ADAMTS17: variants seen among roughly 807,000 people sequenced by gnomAD.
ADAMTS17 encodes the protein ADAM metallopeptidase with thrombospondin type 1 motif 17.
A neutral mutation model predicts 141.5 loss-of-function variants in ADAMTS17; 113 were observed. That is an observed-to-expected ratio of 0.80 (90% CI 0.69 to 0.93). The LOEUF is 0.93. ADAMTS17 is among the 40% of genes least tolerant of loss of function. The pLI, the probability that ADAMTS17 is intolerant of heterozygous loss-of-function variation, is 0.00. For missense variants in ADAMTS17, 1,659 were observed against 1,517.9 expected, an observed-to-expected ratio of 1.09 and a Z score of -1.54; for synonymous variants, 768 against 630.6, an observed-to-expected ratio of 1.22 and a Z score of -3.27.
chr15:100,189,956 C>G (rs1251041613), intron 8 of ADAMTS17, among the ~76,000 whole-genome samples: 1 of 152,164 alleles, frequency 6.6e-6, no homozygotes, highest in African/African-American at 2.4e-5. Context: ...CTTGGAAACC[C>G]TAAGACTCTT....
At chr15:100,176,604 G>A (rs747832347) in intron 8 of ADAMTS17, among the ~76,000 whole-genome samples, 2 of 152,138 alleles carry the variant, frequency 1.3e-5, no homozygotes, top group African/African-American at 2.4e-5. Flanking sequence ...CTGACATTGG[G>A]TACGATCCAC....
In ADAMTS17 at chr15:100,096,422, C is replaced by A; in HGVS notation, c.2071G>T (p.Val691Phe). The change falls in exon 15 of 22, where the codon GTC becomes TTC. Residue 691 changes from valine (V) to phenylalanine (F), a missense_variant. Physicochemically the swap from Val to Phe is conservative, Grantham distance 50. Coordinates refer to ENST00000268070, the MANE Select transcript of ADAMTS17 (RefSeq NM_139057.4). ...GSAAKEDRCG[V>F]CSGDGKTCHL... The stretch of plus-strand genomic sequence containing the variant: ...CAGGTCTTGCCGTCCCCGCTGCAGA[C>A]CCCGCATCTGTCCTCTTTGGCTGCA... 3 of 1,614,184 alleles carry A rather than the reference C, an allele frequency of 1.9e-6. No homozygotes were observed. Among genetic ancestry groups the A allele is most frequent in the Middle Eastern group, 1.6e-4 (1 of 6,062 alleles).
At chr15:100,104,509 C>A (rs2036303606) in intron 14 of ADAMTS17, among the ~76,000 whole-genome samples, 3 of 152,050 alleles carry the variant, frequency 2.0e-5, no homozygotes. Context: ...ACTCAAAATG[C>A]CATTTTGAAG....
intron 3 of ADAMTS17, among the ~76,000 whole-genome samples, chr15:100,290,361 C>T (rs1483340263): frequency 6.6e-6 from 1 of 152,118 alleles, no homozygotes; most frequent in African/African-American, 2.4e-5. Context: ...TCAGAGATGA[C>T]ACAAACAAAT....
chr15:100,338,392 T>A (rs372272110), intron 2 of ADAMTS17, among the ~76,000 whole-genome samples: 2 of 152,262 alleles, frequency 1.3e-5, no homozygotes, highest in African/African-American at 4.8e-5. Context: ...CACTCAACAC[T>A]CTCTACTGAG....
intron 14 of ADAMTS17, 60 bp downstream of exon 14, chr15:100,108,929 C>A: frequency 1.1e-5 from 17 of 1,610,116 alleles, no homozygotes; most frequent in Non-Finnish European, 1.1e-5. Context: ...CACTCCCTGT[C>A]TGGGGAGAGT....
At chr15:100,304,771 T>A (rs1190341496) in intron 3 of ADAMTS17, among the ~76,000 whole-genome samples, 5 of 152,196 alleles carry the variant, frequency 3.3e-5, no homozygotes, top group African/African-American at 1.2e-4. Flanking sequence ...CCCTTGAATA[T>A]CACAGGTTTG....
In ADAMTS17 at chr15:100,262,362, C is replaced by T. The variant is rs143480636; in HGVS notation, c.863G>A (p.Arg288Gln). The change falls in exon 5 of 22, where the codon CGA (arginine) becomes CAA (glutamine). Residue 288 changes from arginine to glutamine, a missense_variant. Physicochemically the swap from Arg to Gln is conservative, Grantham distance 43. Transcript: ENST00000268070. Reference sequence around the variant, plus strand: ...CCTGTGGGGACTTACGGGACGTTGTCGTAGCAGGACAAGCTTGGTCACTTG... The same window carrying T: ...CCTGTGGGGACTTACGGGACGTTGTTGTAGCAGGACAAGCTTGGTCACTTG... Reference protein sequence around the residue: ...NIQVTKLVLLRQRPAKLSIGH... With the variant: ...NIQVTKLVLLQQRPAKLSIGH... 6.6e-5 allele frequency: 107 copies of T among 1,613,684 alleles called. No homozygotes were observed. The highest frequency in any genetic ancestry group is 1.2e-4 in the Admixed American group (7 of 59,980).
intron 10 of ADAMTS17, among the ~76,000 whole-genome samples, chr15:100,136,541 G>T (rs1016625636): frequency 2.6e-5 from 4 of 152,212 alleles, no homozygotes; most frequent in African/African-American, 7.2e-5. Flanking sequence ...AAATGACAAA[G>T]TGCTCAGGTT....
chr15:100,080,537 G>C (rs2034664420), intron 15 of ADAMTS17, among the ~76,000 whole-genome samples: 1 of 151,984 alleles, frequency 6.6e-6, no homozygotes, highest in Non-Finnish European at 1.5e-5. Context: ...TGAAGGTTTG[G>C]GTCACTCCAC....
chr15:99,987,065 TC>T, intron 20 of ADAMTS17, among the ~76,000 whole-genome samples: 1 of 152,210 alleles, frequency 6.6e-6, no homozygotes, highest in African/African-American at 2.4e-5. Context: ...CCTGCCCACC[TC>T]CCCAAGGCTC....
intron 12 of ADAMTS17, among the ~76,000 whole-genome samples, chr15:100,124,410 A>G (rs1317565731): frequency 6.6e-6 from 1 of 152,244 alleles, no homozygotes; most frequent in Non-Finnish European, 1.5e-5. Flanking sequence ...GAAAGTACCA[A>G]TTCCCCAGCC....
intron 7 of ADAMTS17, among the ~76,000 whole-genome samples, chr15:100,202,494 TGA>T (rs1481657939): frequency 6.6e-6 from 1 of 152,178 alleles, no homozygotes; most frequent in African/African-American, 2.4e-5. Flanking sequence ...TGTGTGTTTA[TGA>T]GAGATGAGGT....
rs185477248 is a variant in ADAMTS17 at position 100,253,124 on chromosome 15, G to A, written c.1075+1012C>T. Among the ~76,000 whole-genome samples the A allele has an allele frequency of 9.8e-4, 148 of 151,712 alleles. 1 individual carries two copies. The highest frequency in any genetic ancestry group is 5.4e-3 in the South Asian group (26 of 4,772). On this transcript the variant is annotated intron_variant, in intron 7 of 21. Transcript: ENST00000268070. ...TTTTACTACAATTCTAAACATACACGATTCACAATTTTGATTCTGGCAATG... is the reference window on the plus strand; with the variant it reads ...TTTTACTACAATTCTAAACATACACAATTCACAATTTTGATTCTGGCAATG...
intron 7 of ADAMTS17, among the ~76,000 whole-genome samples, chr15:100,203,797 G>C: frequency 6.6e-6 from 1 of 152,146 alleles, no homozygotes; most frequent in Non-Finnish European, 1.5e-5. Flanking sequence ...TACTCTGGAG[G>C]CTGAAGCAGG....
intron 5 of ADAMTS17, 65 bp from the exon 6 acceptor site, chr15:100,261,701 T>A (rs1212240486): frequency 6.4e-7 from 1 of 1,550,666 alleles, no homozygotes; most frequent in African/African-American, 1.4e-5. Flanking sequence ...ATTTCCAGAC[T>A]ATGACAAGGA....
intron 20 of ADAMTS17, among the ~76,000 whole-genome samples, chr15:99,977,496 C>T (rs546680492): frequency 2.8e-4 from 41 of 145,190 alleles, no homozygotes; most frequent in African/African-American, 1.1e-3. Context: ...ACTGTGCAAC[C>T]TCCACCTCCC....
intron 3 of ADAMTS17, among the ~76,000 whole-genome samples, chr15:100,330,443 T>C (rs1191313231): frequency 6.6e-6 from 1 of 152,190 alleles, no homozygotes; most frequent in Non-Finnish European, 1.5e-5. Flanking sequence ...CTGATGCTGC[T>C]GGCCCGGGGG....
In ADAMTS17 at chr15:100,341,060, G is replaced by C; in HGVS notation, c.429C>G (p.Ala143=). ...GTACCAGGCCGCCGGCGGCGCCGCA[G>C]GCGCTGAGCGAGACGAGGGAGCCGG... The part of the protein sequence containing the change: ...GHPGSLVSLS[A]CGAAGGLVGL... Residue 143 remains alanine, a synonymous_variant, in exon 2 of 22, where the codon GCC becomes GCG. Transcript: ENST00000268070. 1 of 1,523,282 alleles carries C rather than the reference G, an allele frequency of 6.6e-7. No homozygotes were observed. The highest frequency in any genetic ancestry group is 8.8e-7 in the Non-Finnish European group (1 of 1,140,426). 94.4% of individuals were successfully genotyped at this position (1,523,282 alleles called of 1,614,324 possible).
Sources: allele counts gnomAD v4.1 joint callset (sites outside exome capture counted in the v4.1 genomes callset), GRCh38; gene constraint gnomAD v4.1.1; transcripts MANE v1.5; gene names NCBI Gene and HGNC (gene_info 2026-07-23, HGNC 2026-07-21).